Variants in ZNF484 observed in about 807,000 individuals in gnomAD.
ZNF484 encodes the protein zinc finger protein 484.
In ZNF484, 11 loss-of-function variants were observed where a neutral mutation model predicts 12.9. The ratio of observed to expected loss-of-function variants is 0.85; its 90% CI spans 0.54 to 1.41. The LOEUF (loss-of-function observed/expected upper bound fraction) is 1.41. ZNF484 is among the 40% of genes most tolerant of loss of function. ZNF484 has a pLI of 0.00. For missense variants in ZNF484, 807 were observed against 1,007.7 expected, an observed-to-expected ratio of 0.80 and a Z score of 2.70; for synonymous variants, 289 against 334.1, an observed-to-expected ratio of 0.86 and a Z score of 1.47.
At position 92,844,844 on chromosome 9, in the gene ZNF484, A is replaced by G. The variant is rs1444353833; in HGVS notation, c.*1384T>C. Among the ~76,000 whole-genome samples, 2 of 152,180 alleles carry G rather than the reference A, an allele frequency of 1.3e-5. No individual in the cohort carries two copies. Among genetic ancestry groups the G allele is most frequent in the African/African-American group, 4.8e-5 (2 of 41,464 alleles). On this transcript the variant is annotated 3_prime_UTR_variant, in exon 5 of 5. Transcript: ENST00000375495. ...AATTCTAGAGGAAAACTTAAAGGAC[A>G]GGAAGGAATAAAAAAGTAATTAAAA... is the stretch of plus-strand genomic sequence containing the variant.
chr9:92,856,898 A>T (rs889121472), intron 2 of ZNF484, among the ~76,000 whole-genome samples: 4 of 152,046 alleles, frequency 2.6e-5, no homozygotes, highest in African/African-American at 4.8e-5. Flanking sequence ...ATTTTTAAAA[A>T]TTTTTTTAGT....
rs1490719880 is a variant in ZNF484 at position 92,874,316 on chromosome 9, T to TC, written c.15+698_15+699insG. Among the ~76,000 whole-genome samples the TC allele has an allele frequency of 2.0e-4, 30 of 147,086 alleles. No homozygotes were observed. The East Asian group carries it at 2.1e-3, about 10-fold the overall frequency. ...GCACGTTCTTTCTTTCTTTCTTTTT[T>TC]TTTTTTTTTTTTGAGACAGAGTTTC... On this transcript the variant is annotated intron_variant, in intron 2 of 4. Transcript: ENST00000375495.
intron 4 of ZNF484, among the ~76,000 whole-genome samples, chr9:92,852,113 C>A (rs1442967077): frequency 6.6e-6 from 1 of 152,140 alleles, no homozygotes; most frequent in Non-Finnish European, 1.5e-5. Context: ...AATTTAATTT[C>A]ACTATTTTCT....
rs772242730 is a variant in ZNF484, at chr9:92,846,531, G to T, written c.2256C>A (p.Asp752Glu). ...ATTTCTTAATGAAAGACTTGCCACA[G>T]TCACTGCATTCATAGGGTTTCTCTC... is the stretch of plus-strand genomic sequence containing the variant. ...HTGEKPYECS[D>E]CGKSFIKKSQ... The change falls in exon 5 of 5, where the codon GAC (aspartate) becomes GAA (glutamate). Residue 752 changes from aspartate to glutamate, a missense_variant. By Grantham distance (45) the Asp-to-Glu change is conservative. Transcript: ENST00000375495. 1.2e-6 allele frequency: 2 copies of T among 1,613,898 alleles called. No homozygotes were observed. Among genetic ancestry groups the T allele is most frequent in the South Asian group, 2.2e-5 (2 of 91,058 alleles).
At chr9:92,852,860 C>T (rs899737966) in intron 4 of ZNF484, among the ~76,000 whole-genome samples, 1 of 151,940 alleles carries the variant, frequency 6.6e-6, no homozygotes, top group African/African-American at 2.4e-5. Flanking sequence ...TATTTGAATA[C>T]GCAGATAGAT....
intron 4 of ZNF484, among the ~76,000 whole-genome samples, chr9:92,849,778 G>A (rs1037563925): frequency 2.0e-5 from 3 of 151,950 alleles, no homozygotes; most frequent in Non-Finnish European, 4.4e-5. Flanking sequence ...GTGACAGAGT[G>A]AGACTCTGTC....
Position 92,845,984 on chromosome 9 carries a change from T to G in ZNF484, c.*244A>C. On this transcript the variant is annotated 3_prime_UTR_variant, in exon 5 of 5. Coordinates refer to ENST00000375495, the MANE Select transcript of ZNF484 (RefSeq NM_031486.4). This position sits in a 1 kb window ranked among gnomAD's most constrained non-coding sequence, Gnocchi z 4.0. ...ATTTTTGCGGGTCAATATTGAATAGTTGTGGTACCCAGAACATGAAAAACT... is the reference window on the plus strand; with the variant it reads ...ATTTTTGCGGGTCAATATTGAATAGGTGTGGTACCCAGAACATGAAAAACT... 1 of 507,806 alleles carries G rather than the reference T, an allele frequency of 2.0e-6. No individual in the cohort carries two copies. Among genetic ancestry groups the G allele is most frequent in the Non-Finnish European group, 3.5e-6 (1 of 287,372 alleles). 31.5% of individuals were successfully genotyped at this position (507,806 alleles called of 1,614,324 possible).
rs1855488132 is a variant in ZNF484 at position 92,844,679 on chromosome 9, T to TATTCAG, written c.*1548_*1549insCTGAAT. Among the ~76,000 whole-genome samples the TATTCAG allele has an allele frequency of 6.6e-6, 1 of 152,144 alleles. No individual in the cohort carries two copies. ...ATACTAATAGAAAACAACTTTCAAC[T>TATTCAG]TAGAATTCTATATTCAGTAAAAGTA... On this transcript the variant is annotated 3_prime_UTR_variant, in exon 5 of 5. Coordinates refer to ENST00000375495, the MANE Select transcript of ZNF484 (RefSeq NM_031486.4).
chr9:92,876,619 A>C lies in ZNF484; in HGVS notation c.-31+1271T>G, dbSNP rs150717930. Reference sequence around the variant, plus strand: ...GTTTTTCTTGGAATTCGATGTTAAAAAGTGTTTTTCTTTTTTCTTTTTGGT... The same window carrying C: ...GTTTTTCTTGGAATTCGATGTTAAACAGTGTTTTTCTTTTTTCTTTTTGGT... On this transcript the variant is annotated intron_variant, in intron 1 of 4. Transcript: ENST00000375495. Among the ~76,000 whole-genome samples the C allele has an allele frequency of 1.2e-3, 176 of 152,330 alleles. 1 individual carries two copies. Among genetic ancestry groups the C allele is most frequent in the Middle Eastern group, 6.8e-3 (2 of 294 alleles).
intron 1 of ZNF484, 83 bp downstream of exon 1, chr9:92,877,807 C>T: frequency 6.5e-7 from 1 of 1,535,860 alleles, no homozygotes; most frequent in African/African-American, 1.4e-5. Flanking sequence ...CACTGACCGA[C>T]CCCATCACTG....
At chr9:92,856,897 A>C (rs993605341) in intron 2 of ZNF484, among the ~76,000 whole-genome samples, 2 of 152,040 alleles carry the variant, frequency 1.3e-5, no homozygotes, top group Admixed American at 6.6e-5. Flanking sequence ...AATTTTTAAA[A>C]ATTTTTTTAG....
At chr9:92,850,916 C>T (rs1856034806) in intron 4 of ZNF484, among the ~76,000 whole-genome samples, 1 of 152,010 alleles carries the variant, frequency 6.6e-6, no homozygotes, top group African/African-American at 2.4e-5. Context: ...ATTCTTCATC[C>T]CTGGTTTGGG....
chr9:92,846,378 G>C lies in ZNF484; in HGVS notation c.2409C>G (p.Pro803=). Residue 803 remains proline (P), a synonymous_variant, in exon 5 of 5, where the codon CCC becomes CCG. Coordinates refer to ENST00000375495, the MANE Select transcript of ZNF484 (RefSeq NM_031486.4). ...KHQKIHTKQK[P]YKCSDLGKAL... is the part of the protein sequence containing the mutation. ...CTTTCCCCAAGTCACTGCACTTATA[G>C]GGTTTCTGTTTAGTATGAATTTTCT... The C allele has an allele frequency of 1.2e-6, 2 of 1,614,110 alleles. No individual in the cohort carries two copies. Among genetic ancestry groups the C allele is most frequent in the Non-Finnish European group, 1.7e-6 (2 of 1,180,006 alleles).
intron 4 of ZNF484, among the ~76,000 whole-genome samples, chr9:92,853,552 G>A (rs890251354): frequency 6.6e-6 from 1 of 152,218 alleles, no homozygotes; most frequent in African/African-American, 2.4e-5. Flanking sequence ...CAGAGCTTAT[G>A]CTGCAGCTGA....
In ZNF484 at chr9:92,844,289, G is replaced by A. The variant is rs896659079; in HGVS notation, c.*1939C>T. 2.0e-5 allele frequency among the ~76,000 whole-genome samples: 3 copies of A among 152,128 alleles called. No individual in the cohort carries two copies. Among genetic ancestry groups the A allele is most frequent in the Admixed American group, 2.0e-4 (3 of 15,280 alleles). ...AAGAAAAATAACCATTAGAAAACAG[G>A]CCAACAGAACTGGGTAATAAGGTTA... is the stretch of plus-strand genomic sequence containing the variant. On this transcript the variant is annotated 3_prime_UTR_variant, in exon 5 of 5. Coordinates refer to ENST00000375495, the MANE Select transcript of ZNF484 (RefSeq NM_031486.4).
At chr9:92,854,207 T>C (rs911632095) in intron 4 of ZNF484, among the ~76,000 whole-genome samples, 5 of 152,062 alleles carry the variant, frequency 3.3e-5, no homozygotes. Context: ...ACAAATTAAA[T>C]AATAATTAGA....
At chr9:92,856,100 C>G in intron 3 of ZNF484, 92 bp downstream of exon 3, 1 of 1,549,310 alleles carries the variant, frequency 6.5e-7, no homozygotes. Context: ...TCCCACATAC[C>G]TCAGAAAACA....
chr9:92,865,959 G>A (rs933682535), intron 2 of ZNF484, among the ~76,000 whole-genome samples: 2 of 152,094 alleles, frequency 1.3e-5, no homozygotes, highest in African/African-American at 2.4e-5. Context: ...AGCATATTTC[G>A]TAATGCATTT....
chr9:92,874,161 C>T (rs1857636719), intron 2 of ZNF484, among the ~76,000 whole-genome samples: 1 of 152,190 alleles, frequency 6.6e-6, no homozygotes. Context: ...CATTGATGTT[C>T]TGTGGAAATT....
Sources: allele counts gnomAD v4.1 joint callset (sites outside exome capture counted in the v4.1 genomes callset), GRCh38; gene constraint gnomAD v4.1.1; non-coding constraint Gnocchi (gnomAD v3.1); transcripts MANE v1.5; gene names NCBI Gene and HGNC (gene_info 2026-07-23, HGNC 2026-07-21).